OR3A2: variants seen among roughly 807,000 people sequenced by gnomAD.
OR3A2 encodes olfactory receptor family 3 subfamily A member 2, also known as olfactory receptor 3A2.
For synonymous variants in OR3A2, 126 were observed against 159.3 expected (o/e 0.79, Z 1.57); for missense variants, 318 against 392.8 (o/e 0.81, Z 1.61).
Position 3,310,335 on chromosome 17 carries a change from G to A in OR3A2, c.-85+25698C>T, listed in dbSNP as rs751695372. Reference sequence around the variant, plus strand: ...CATGGATCTGGGGAACTCAGGGAATGATTCAGTTGTGACCAAGTTTGTCCT... The same window carrying A: ...CATGGATCTGGGGAACTCAGGGAATAATTCAGTTGTGACCAAGTTTGTCCT... On this transcript the variant is annotated intron_variant, in intron 3 of 4. Coordinates refer to the OR3A2 transcript ENST00000573491. 1.3e-5 allele frequency: 7 copies of A among 534,476 alleles called. No homozygotes were observed. The Admixed American group carries it at 1.4e-4, about 10-fold the overall frequency. The allele number at this position is 534,476 out of a possible 1,614,324, so 33.1% of individuals were successfully genotyped here. A position where few individuals can be genotyped will look rare whatever the true frequency, so the allele number is the denominator to read the frequency against.
intron 3 of OR3A2, chr17:3,292,257 A>G: frequency 1.2e-6 from 2 of 1,614,210 alleles, no homozygotes; most frequent in Non-Finnish European, 8.5e-7. Context: ...TCCAACGAAC[A>G]GATGGAAGAA....
At chr17:3,305,405 C>T (rs1255610959) in intron 3 of OR3A2, among the ~76,000 whole-genome samples, 4 of 151,996 alleles carry the variant, frequency 2.6e-5, no homozygotes, top group Non-Finnish European at 5.9e-5. Flanking sequence ...TTTCCCTGCC[C>T]CTTATATAAA....
intron 3 of OR3A2, among the ~76,000 whole-genome samples, chr17:3,305,169 G>A (rs980483000): frequency 6.6e-6 from 1 of 152,184 alleles, no homozygotes; most frequent in African/African-American, 2.4e-5. Flanking sequence ...TATTGAAGTT[G>A]TGTTATGATA....
At chr17:3,330,203 A>G (rs62091271) in intron 3 of OR3A2, among the ~76,000 whole-genome samples, 4,137 of 151,272 alleles carry the variant, frequency 0.027, 86 homozygotes, top group Middle Eastern at 0.075. Context: ...TTTGGGGTGG[A>G]GAGTTCTGTA....
chr17:3,335,294 A>G (rs1337096368), intron 3 of OR3A2, among the ~76,000 whole-genome samples: 1 of 152,130 alleles, frequency 6.6e-6, no homozygotes, highest in Non-Finnish European at 1.5e-5. Flanking sequence ...ATAAATTTTA[A>G]AAAATGTTTA....
chr17:3,290,427 CCTA>C (rs1791617826), intron 3 of OR3A2, among the ~76,000 whole-genome samples: 1 of 152,160 alleles, frequency 6.6e-6, no homozygotes, highest in Admixed American at 6.5e-5. Flanking sequence ...ACTTCATTTT[CCTA>C]CCAACTCTCC....
intron 3 of OR3A2, among the ~76,000 whole-genome samples, chr17:3,317,102 C>A (rs1035166511): frequency 2.0e-5 from 3 of 152,296 alleles, no homozygotes; most frequent in South Asian, 4.1e-4. Flanking sequence ...GGTGCATAAA[C>A]CCAGAAACTA....
At chr17:3,360,876 G>C (rs1275863436) in intron 2 of OR3A2, among the ~76,000 whole-genome samples, 1 of 151,554 alleles carries the variant, frequency 6.6e-6, no homozygotes, top group Non-Finnish European at 1.5e-5. Flanking sequence ...TGTTCTTTTG[G>C]GTTAGGATTA....
intron 2 of OR3A2, among the ~76,000 whole-genome samples, chr17:3,347,239 CTTTTT>C: frequency 6.6e-6 from 1 of 150,718 alleles, no homozygotes; most frequent in South Asian, 2.1e-4. Context: ...TGTATGTCTT[CTTTTT>C]TTTTTTATCA....
intron 2 of OR3A2, among the ~76,000 whole-genome samples, chr17:3,345,652 C>T (rs957826618): frequency 1.3e-5 from 2 of 151,892 alleles, no homozygotes; most frequent in Non-Finnish European, 2.9e-5. Flanking sequence ...TTGAGAAAGT[C>T]TCCCAGAAAG....
intron 3 of OR3A2, among the ~76,000 whole-genome samples, chr17:3,315,081 T>C (rs2049070754): frequency 6.6e-6 from 1 of 152,210 alleles, no homozygotes; most frequent in Non-Finnish European, 1.5e-5. Context: ...CTTATCCAGC[T>C]CACCACTGAT....
At chr17:3,372,033 G>A (rs1461231683) in intron 2 of OR3A2, among the ~76,000 whole-genome samples, 10 of 136,056 alleles carry the variant, frequency 7.3e-5, no homozygotes, top group African/African-American at 1.8e-4. Flanking sequence ...CATACGGGGC[G>A]GCTGCCGGGC....
chr17:3,320,971 G>T (rs146847685), intron 3 of OR3A2, among the ~76,000 whole-genome samples: 22,839 of 151,908 alleles, frequency 0.15, 2,247 homozygotes, highest in African/African-American at 0.28. Context: ...ACCTTGGGCA[G>T]TATGGCCATT....
intron 3 of OR3A2, among the ~76,000 whole-genome samples, chr17:3,334,106 C>G (rs997940919): frequency 1.1e-4 from 16 of 152,172 alleles, no homozygotes; most frequent in African/African-American, 2.7e-4. Flanking sequence ...CAAGAAACAA[C>G]AGATGCTGGC....
At chr17:3,291,988 C>T (rs571849979) in intron 3 of OR3A2, 6 of 1,614,190 alleles carry the variant, frequency 3.7e-6, no homozygotes, top group East Asian at 2.2e-5. Context: ...AGCAGCAGCT[C>T]ATTGAGTTGG....
At chr17:3,302,123 G>A (rs1046057975) in intron 3 of OR3A2, among the ~76,000 whole-genome samples, 2 of 152,168 alleles carry the variant, frequency 1.3e-5, no homozygotes, top group African/African-American at 4.8e-5. Context: ...AACATTCCAT[G>A]CTCATGGATA....
chr17:3,360,055 T>A (rs1305559644), intron 2 of OR3A2, among the ~76,000 whole-genome samples: 1 of 151,860 alleles, frequency 6.6e-6, no homozygotes, highest in Non-Finnish European at 1.5e-5. Flanking sequence ...AAAGTGTTCC[T>A]ATTTCTCCAC....
intron 2 of OR3A2, among the ~76,000 whole-genome samples, chr17:3,364,283 A>G (rs941028049): frequency 2.0e-5 from 3 of 152,238 alleles, no homozygotes; most frequent in Non-Finnish European, 4.4e-5. Flanking sequence ...ACACGTATAC[A>G]TTATGGAATG....
intron 1 of OR3A2, among the ~76,000 whole-genome samples, chr17:3,281,321 C>T (rs2048775498): frequency 6.6e-6 from 1 of 151,714 alleles, no homozygotes; most frequent in South Asian, 2.1e-4. Flanking sequence ...GCAACCTCCG[C>T]CTCCCAGGTT....
Sources: allele counts gnomAD v4.1 joint callset (sites outside exome capture counted in the v4.1 genomes callset), GRCh38; gene constraint gnomAD v4.1.1; transcripts MANE v1.5; gene names NCBI Gene and HGNC (gene_info 2026-07-23, HGNC 2026-07-21).